The following THSD7A variants were observed in gnomAD, a reference collection of about 807,000 sequenced individuals.
THSD7A encodes thrombospondin type-1 domain-containing protein 7A.
Under a neutral mutation model 231.3 loss-of-function variants are expected in THSD7A, and 96 were observed. The ratio of observed to expected loss-of-function variants is 0.41; its 90% CI spans 0.35 to 0.49. The LOEUF (loss-of-function observed/expected upper bound fraction) is 0.49, where lower values mean the gene tolerates loss of function less well. Ranked by LOEUF, THSD7A falls within the 20% of genes least tolerant of loss-of-function variation. The pLI is 0.05. For synonymous variants in THSD7A, 940 were observed against 743.3 expected, an observed-to-expected ratio of 1.26 and a Z score of -4.30; for missense variants, 2,290 against 2,070.2, an observed-to-expected ratio of 1.11 and a Z score of -2.06.
At chr7:11,515,766 A>G (rs1180547059) in intron 6 of THSD7A, among the ~76,000 whole-genome samples, 1 of 152,164 alleles carries the variant, frequency 6.6e-6, no homozygotes, top group African/African-American at 2.4e-5. Flanking sequence ...TAGTCTTTTT[A>G]GTACATCTAT....
chr7:11,799,873 A>C (rs1784228984), intron 1 of THSD7A, among the ~76,000 whole-genome samples: 1 of 152,242 alleles, frequency 6.6e-6, no homozygotes, highest in Admixed American at 6.5e-5. Flanking sequence ...AGAAAAATCC[A>C]GTTCACTTGT....
At chr7:11,601,263 C>CT (rs1184975419) in intron 2 of THSD7A, among the ~76,000 whole-genome samples, 1 of 152,122 alleles carries the variant, frequency 6.6e-6, no homozygotes, top group Non-Finnish European at 1.5e-5. Flanking sequence ...ACAATCTCAG[C>CT]TTTTTGTAGA....
intron 6 of THSD7A, among the ~76,000 whole-genome samples, chr7:11,495,956 T>C (rs62438212): frequency 0.082 from 12,459 of 152,180 alleles, 655 homozygotes; most frequent in Non-Finnish European, 0.11. Flanking sequence ...AGAATACTAA[T>C]AGAGACCCAA....
chr7:11,423,205 TA>T (rs1358724162), intron 16 of THSD7A, among the ~76,000 whole-genome samples: 1 of 152,000 alleles, frequency 6.6e-6, no homozygotes, highest in African/African-American at 2.4e-5. Context: ...TTATTAGACA[TA>T]AAATTATATA....
chr7:11,567,233 A>G (rs1471499966), intron 4 of THSD7A, among the ~76,000 whole-genome samples: 2 of 152,162 alleles, frequency 1.3e-5, no homozygotes, highest in Non-Finnish European at 2.9e-5. Context: ...CTTAAAAATC[A>G]TGGTGGAAGG....
At chr7:11,460,341 C>T (rs1386818672) in intron 11 of THSD7A, among the ~76,000 whole-genome samples, 2 of 151,488 alleles carry the variant, frequency 1.3e-5, no homozygotes, top group Admixed American at 1.3e-4. Flanking sequence ...GCTGTGGATA[C>T]CGTAATCTAA....
chr7:11,750,651 G>A (rs1185381120), intron 1 of THSD7A, among the ~76,000 whole-genome samples: 1 of 151,926 alleles, frequency 6.6e-6, no homozygotes, highest in Non-Finnish European at 1.5e-5. Flanking sequence ...TCTGCACGGG[G>A]ACTACTGGAT....
At chr7:11,826,379 G>T (rs1785026555) in intron 1 of THSD7A, among the ~76,000 whole-genome samples, 1 of 152,152 alleles carries the variant, frequency 6.6e-6, no homozygotes, top group Admixed American at 6.5e-5. Context: ...ATCTATGACA[G>T]AAGTTGATAA....
intron 1 of THSD7A, among the ~76,000 whole-genome samples, chr7:11,709,159 T>G (rs1159571046): frequency 6.6e-6 from 1 of 150,760 alleles, no homozygotes; most frequent in Non-Finnish European, 1.5e-5. Context: ...TTAACAGTTT[T>G]TTCTGAATAT....
intron 8 of THSD7A, 102 bp from the exon 9 acceptor site, chr7:11,470,096 A>G: frequency 1.3e-6 from 1 of 775,760 alleles, no homozygotes. Flanking sequence ...AAAACAAGTC[A>G]CTCATCTGTA....
intron 2 of THSD7A, among the ~76,000 whole-genome samples, chr7:11,629,877 G>A (rs1781593197): frequency 6.6e-6 from 1 of 152,152 alleles, no homozygotes; most frequent in South Asian, 2.1e-4. Flanking sequence ...AAAGTTGAAA[G>A]GCTTTTAGAG....
chr7:11,681,689 T>A (rs1382304448), intron 1 of THSD7A, among the ~76,000 whole-genome samples: 1 of 152,010 alleles, frequency 6.6e-6, no homozygotes, highest in Non-Finnish European at 1.5e-5. Context: ...GAAACATCGT[T>A]CAGGATATAA....
chr7:11,554,834 T>C (rs1274246284), intron 4 of THSD7A, among the ~76,000 whole-genome samples: 1 of 151,952 alleles, frequency 6.6e-6, no homozygotes, highest in African/African-American at 2.4e-5. Flanking sequence ...TAGGTTGCAA[T>C]TTATTTTGAT....
intron 2 of THSD7A, among the ~76,000 whole-genome samples, chr7:11,606,806 T>C (rs1780748395): frequency 1.3e-5 from 2 of 152,064 alleles, no homozygotes; most frequent in Admixed American, 6.6e-5. Flanking sequence ...TGTAGGCTTG[T>C]ATACTTTGTA....
chr7:11,625,949 T>C (rs368747950), intron 2 of THSD7A, among the ~76,000 whole-genome samples: 2 of 152,012 alleles, frequency 1.3e-5, no homozygotes, highest in Non-Finnish European at 2.9e-5. Flanking sequence ...CATAGGAAAC[T>C]TGCTCTCACA....
chr7:11,588,193 C>A (rs1399006183), intron 4 of THSD7A, among the ~76,000 whole-genome samples: 1 of 152,094 alleles, frequency 6.6e-6, no homozygotes, highest in Non-Finnish European at 1.5e-5. Flanking sequence ...AAGCCCACAG[C>A]CTAATTGTTC....
chr7:11,434,788 C>G (rs1368369192), intron 13 of THSD7A, among the ~76,000 whole-genome samples: 1 of 151,872 alleles, frequency 6.6e-6, no homozygotes, highest in Non-Finnish European at 1.5e-5. Context: ...TTTGCAAAAA[C>G]TTTCCAAACG....
intron 22 of THSD7A, among the ~76,000 whole-genome samples, chr7:11,403,462 G>A (rs1783476626): frequency 1.3e-5 from 2 of 152,150 alleles, no homozygotes; most frequent in Admixed American, 1.3e-4. Context: ...TAAATAGTCT[G>A]AGAAAGTTTT....
At chr7:11,749,411 C>T (rs1469253101) in intron 1 of THSD7A, among the ~76,000 whole-genome samples, 1 of 152,004 alleles carries the variant, frequency 6.6e-6, no homozygotes, top group East Asian at 1.9e-4. Flanking sequence ...ATCATTCTTC[C>T]CTAGTCATAA....
Sources: allele counts gnomAD v4.1 joint callset (sites outside exome capture counted in the v4.1 genomes callset), GRCh38; gene constraint gnomAD v4.1.1; transcripts MANE v1.5; gene names NCBI Gene and HGNC (gene_info 2026-07-23, HGNC 2026-07-21).